The following FANCD2 variants were observed in gnomAD, a reference collection of about 807,000 sequenced individuals.
The protein encoded by FANCD2 is Fanconi anemia group D2 protein.
A neutral mutation model predicts 192.3 loss-of-function variants in FANCD2; 131 were observed. The observed-to-expected ratio is 0.68, with a 90% CI of 0.59 to 0.79. FANCD2 has a LOEUF of 0.79. Ranked by LOEUF, FANCD2 falls within the 30% of genes least tolerant of loss-of-function variation. The pLI is 0.00. For missense variants in FANCD2, 1,508 were observed against 1,701.6 expected, an observed-to-expected ratio of 0.89 and a Z score of 2.00; for synonymous variants, 524 against 612.5, an observed-to-expected ratio of 0.86 and a Z score of 2.13.
intron 5 of FANCD2, 69 bp from the exon 6 acceptor site, chr3:10,035,104 G>C (rs1165506100): frequency 3.8e-6 from 5 of 1,328,132 alleles, no homozygotes; most frequent in Non-Finnish European, 5.4e-6. Flanking sequence ...CAATTTTATT[G>C]AGAAAAGATG....
At chr3:10,076,409 T>C (rs1364305690) in intron 29 of FANCD2, among the ~76,000 whole-genome samples, 2 of 152,184 alleles carry the variant, frequency 1.3e-5, no homozygotes, top group African/African-American at 4.8e-5. Context: ...AGAGAAAAAG[T>C]ATGTCTTCTA....
chr3:10,063,499 C>A (rs145458726), intron 20 of FANCD2, among the ~76,000 whole-genome samples: 1 of 152,184 alleles, frequency 6.6e-6, no homozygotes, highest in South Asian at 2.1e-4. Context: ...TAAAGCAATA[C>A]ATTTTTATTT....
intron 43 of FANCD2, 137 bp downstream of exon 43, chr3:10,098,952 A>G: frequency 6.2e-7 from 1 of 1,614,222 alleles, no homozygotes; most frequent in Non-Finnish European, 8.5e-7. Flanking sequence ...CCTCCATAAC[A>G]GCTTCTGTGC....
intron 7 of FANCD2, among the ~76,000 whole-genome samples, chr3:10,038,685 A>T (rs1484396908): frequency 1.3e-5 from 2 of 150,116 alleles, no homozygotes; most frequent in South Asian, 2.1e-4. Context: ...GGTTCAAGCG[A>T]TTCTCCTGCC....
Position 10,043,059 on chromosome 3 carries a change from G to C in FANCD2, c.898G>C (p.Glu300Gln). 1 of 1,613,996 alleles carries C rather than the reference G, an allele frequency of 6.2e-7. No individual in the cohort carries two copies. Residue 300 changes from glutamate (E) to glutamine (Q), a missense_variant, in exon 12 of 44, where the codon GAG becomes CAG. Glu to Gln is a conservative substitution (Grantham distance 29). Transcript: ENST00000675286. ...TAMDTLEVIS[E>Q]LREKLDLQHC... Reference sequence around the variant, plus strand: ...TATTTACTTTCTGCAGGTAATTTCTGAGCTTCGGGAGAAGTTGGATCTGCA... The same window carrying C: ...TATTTACTTTCTGCAGGTAATTTCTCAGCTTCGGGAGAAGTTGGATCTGCA...
intron 1 of FANCD2, 29 bp from the exon 2 acceptor site, chr3:10,028,596 G>A: frequency 7.1e-7 from 1 of 1,401,616 alleles, no homozygotes; most frequent in Non-Finnish European, 1.0e-6. Flanking sequence ...CTTCTAGAGG[G>A]TAACTTCTGT....
rs2125032493 is a variant in FANCD2 at position 10,063,781 on chromosome 3, C to T, written c.1828-11C>T. On this transcript the variant is annotated splice_polypyrimidine_tract_variant and intron_variant, in intron 20 of 43. Transcript: ENST00000675286. ...GCCCAAGGTTTAAACCATTCTTCCT[C>T]TTTGCTCCAGGTGACCTCCTTGTTG... 2.5e-6 allele frequency: 4 copies of T among 1,614,210 alleles called. No individual in the cohort carries two copies. The highest frequency in any genetic ancestry group is 3.4e-6 in the Non-Finnish European group (4 of 1,180,030).
At chr3:10,038,798 CT>C (rs2086791789) in intron 7 of FANCD2, among the ~76,000 whole-genome samples, 1 of 152,068 alleles carries the variant, frequency 6.6e-6, no homozygotes, top group African/African-American at 2.4e-5. Context: ...CCAGGCTGGT[CT>C]TGAACTCCTG....
chr3:10,091,620 G>A (rs542847421), intron 37 of FANCD2, among the ~76,000 whole-genome samples: 11 of 152,016 alleles, frequency 7.2e-5, no homozygotes, highest in African/African-American at 2.4e-4. Flanking sequence ...CCTCATGCCA[G>A]TTAGCAGGAG....
At chr3:10,094,237 C>T in intron 39 of FANCD2, 52 bp from the exon 40 acceptor site, 1 of 1,363,538 alleles carries the variant, frequency 7.3e-7, no homozygotes, top group East Asian at 2.3e-5. Flanking sequence ...GCCTCAGGGG[C>T]CTTTCAGTGA....
intron 39 of FANCD2, 64 bp from the exon 40 acceptor site, chr3:10,094,225 C>A: frequency 8.2e-7 from 1 of 1,225,264 alleles, no homozygotes; most frequent in Non-Finnish European, 1.2e-6. Context: ...TGAGACTATT[C>A]TGCCTCAGGG....
chr3:10,096,998 C>T (rs897916913), intron 42 of FANCD2, among the ~76,000 whole-genome samples: 3 of 152,016 alleles, frequency 2.0e-5, no homozygotes, highest in African/African-American at 7.2e-5. Context: ...TAAAGCTGGG[C>T]GTCCGGGGGA....
At chr3:10,054,473 A>ATATAT (rs1234910933) in intron 18 of FANCD2, among the ~76,000 whole-genome samples, 20 of 8,414 alleles carry the variant, frequency 2.4e-3, no homozygotes, top group Non-Finnish European at 3.3e-3. Context: ...ATATATATAT[A>ATATAT]TTTTTTTTTT....
At chr3:10,092,547 G>A (rs1436060463) in intron 38 of FANCD2, among the ~76,000 whole-genome samples, 1 of 150,646 alleles carries the variant, frequency 6.6e-6, no homozygotes, top group Admixed American at 6.6e-5. Context: ...TCTATGATCT[G>A]AGCGCACATT....
intron 29 of FANCD2, 63 bp from the exon 30 acceptor site, chr3:10,078,018 A>G: frequency 1.7e-6 from 2 of 1,209,196 alleles, no homozygotes; most frequent in Non-Finnish European, 2.5e-6. Flanking sequence ...AAAAAGAAAG[A>G]AAAAAAATTA....
At chr3:10,044,126 C>A (rs1432118025) in intron 14 of FANCD2, among the ~76,000 whole-genome samples, 1 of 152,180 alleles carries the variant, frequency 6.6e-6, no homozygotes, top group Non-Finnish European at 1.5e-5. Context: ...ACAAGCACAT[C>A]AAGGTGCAGT....
rs1267620340 is a variant in FANCD2 at position 10,065,455 on chromosome 3, C to G, written c.2230C>G (p.Gln744Glu). The change falls in exon 24 of 44, where the codon CAG (glutamine) becomes GAG (glutamate). Residue 744 changes from glutamine to glutamate, a missense_variant. Gln to Glu is a conservative substitution (Grantham distance 29, BLOSUM62 2). This residue lies in a region of FANCD2 where 796 missense variants were observed against 879.4 expected (regional missense o/e 0.91). Coordinates refer to ENST00000675286, the MANE Select transcript of FANCD2 (RefSeq NM_001018115.3). ...FRLLRLCVER[Q>E]HNGNLEEIDG... ...GTTACTGAGACTTTGTGTGGAGAGA[C>G]AGCATAACGGAAACTTGGAGGAGAT... 1 of 1,613,638 alleles carries G rather than the reference C, an allele frequency of 6.2e-7. No individual in the cohort carries two copies. Among genetic ancestry groups the G allele is most frequent in the East Asian group, 2.2e-5 (1 of 44,898 alleles).
intron 26 of FANCD2, among the ~76,000 whole-genome samples, chr3:10,069,687 C>G (rs1009440559): frequency 6.6e-6 from 1 of 152,134 alleles, no homozygotes; most frequent in African/African-American, 2.4e-5. Context: ...CGGTCTCCAG[C>G]TCCTAACCGC....
chr3:10,039,756 T>G lies in FANCD2; in HGVS notation c.606T>G (p.Ile202Met). ...CCAAGATCATGCAGCTGATCAGTAT[T>G]GCTCCAGAGAACCTGCAGCATGACA... ...LTTKIMQLIS[I>M]APENLQHDII... Residue 202 changes from isoleucine to methionine, a missense_variant, in exon 9 of 44, where the codon ATT becomes ATG. By Grantham distance (10) the Ile-to-Met change is conservative. This residue lies in a region of FANCD2 where 435 missense variants were observed against 421.9 expected (regional missense o/e 1.03). Transcript: ENST00000675286. The G allele has an allele frequency of 6.2e-7, 1 of 1,614,054 alleles. No individual in the cohort carries two copies. Among genetic ancestry groups the G allele is most frequent in the Non-Finnish European group, 8.5e-7 (1 of 1,180,022 alleles).
Sources: allele counts gnomAD v4.1 joint callset (sites outside exome capture counted in the v4.1 genomes callset), GRCh38; gene constraint gnomAD v4.1.1; regional missense constraint gnomAD v4.1.1; transcripts MANE v1.5; gene names NCBI Gene and HGNC (gene_info 2026-07-23, HGNC 2026-07-21).